Variants in RBM6 observed in about 807,000 individuals in gnomAD.
The protein encoded by RBM6 is RNA-binding protein 6.
Under a neutral mutation model 140.4 loss-of-function variants are expected in RBM6, and 23 were observed. The observed-to-expected ratio is 0.16, with a 90% CI of 0.12 to 0.23. The LOEUF is 0.23. RBM6 is among the 10% of genes least tolerant of loss of function. The pLI is 1.00. For synonymous variants in RBM6, 439 were observed against 475.6 expected (o/e 0.92, Z 1.00); for missense variants, 1,139 against 1,386.7 (o/e 0.82, Z 2.84).
intron 6 of RBM6, among the ~76,000 whole-genome samples, chr3:50,040,531 T>C (rs950113886): frequency 1.4e-5 from 2 of 146,122 alleles, no homozygotes; most frequent in East Asian, 2.0e-4. Context: ...TGTATATATA[T>C]ACACACACAC....
At chr3:49,966,646 A>G (rs994226614) in intron 2 of RBM6, among the ~76,000 whole-genome samples, 5 of 152,220 alleles carry the variant, frequency 3.3e-5, no homozygotes, top group African/African-American at 4.8e-5. Context: ...CATTTGGGTC[A>G]TGGGGATCAT....
chr3:49,962,531 A>C, intron 1 of RBM6, 45 bp from the exon 2 acceptor site: 2 of 902,680 alleles, frequency 2.2e-6, no homozygotes, highest in Non-Finnish European at 3.4e-6. Context: ...TTTAGCTTTT[A>C]GTTCACATTC....
At chr3:49,943,260 A>G (rs1292089728) in intron 1 of RBM6, among the ~76,000 whole-genome samples, 1 of 152,162 alleles carries the variant, frequency 6.6e-6, no homozygotes, top group Non-Finnish European at 1.5e-5. Flanking sequence ...GTATATACCC[A>G]GAAGGGAAAT....
intron 6 of RBM6, among the ~76,000 whole-genome samples, chr3:50,040,480 A>G (rs1422342112): frequency 1.7e-5 from 1 of 58,092 alleles, no homozygotes; most frequent in Non-Finnish European, 4.4e-5. Context: ...AAATATATAT[A>G]TATATATATA....
chr3:49,956,956 GGCCTGGCCT>G (rs2084020786), intron 1 of RBM6, among the ~76,000 whole-genome samples: 1 of 152,238 alleles, frequency 6.6e-6, no homozygotes, highest in South Asian at 2.1e-4. Context: ...TAAGCCACCA[GGCCTGGCCT>G]GCTTTTTTAA....
intron 17 of RBM6, among the ~76,000 whole-genome samples, chr3:50,067,210 A>AG (rs2090152042): frequency 6.6e-6 from 1 of 151,426 alleles, no homozygotes; most frequent in Admixed American, 6.6e-5. Context: ...AAAAAAAAAA[A>AG]AAGCCGCAGC....
At position 49,965,849 on chromosome 3, in the gene RBM6, G is replaced by A. The variant is rs193180049; in HGVS notation, c.45-1621G>A. Among the ~76,000 whole-genome samples the A allele has an allele frequency of 3.9e-5, 6 of 152,212 alleles. No individual in the cohort carries two copies. In the East Asian group the frequency reaches 5.8e-4, roughly 15 times the overall value. On this transcript the variant is annotated intron_variant, in intron 2 of 20. Coordinates refer to ENST00000266022, the MANE Select transcript of RBM6 (RefSeq NM_005777.3). ...CTGTTACTTTAAGAAAGGGTTGGCCGGGCATGGTGGCTCACGCCTGTAACC... is the reference window on the plus strand; with the variant it reads ...CTGTTACTTTAAGAAAGGGTTGGCCAGGCATGGTGGCTCACGCCTGTAACC...
At chr3:49,980,916 T>A (rs1413190014) in intron 5 of RBM6, among the ~76,000 whole-genome samples, 2 of 152,116 alleles carry the variant, frequency 1.3e-5, no homozygotes, top group Admixed American at 6.6e-5. Flanking sequence ...ATTTTTTATT[T>A]TTTTGAGACG....
intron 5 of RBM6, among the ~76,000 whole-genome samples, chr3:49,987,677 C>T (rs946983376): frequency 8.6e-5 from 13 of 151,368 alleles, no homozygotes; most frequent in Non-Finnish European, 1.3e-4. Context: ...CTTACTCTGT[C>T]ACCTGGGCTA....
chr3:50,070,385 G>T, intron 18 of RBM6, 70 bp from the exon 19 acceptor site: 1 of 1,059,372 alleles, frequency 9.4e-7, no homozygotes, highest in South Asian at 1.3e-5. Context: ...AACAGCAATG[G>T]GGTAGAATTT....
intron 6 of RBM6, among the ~76,000 whole-genome samples, chr3:49,999,852 G>C (rs955718901): frequency 6.6e-6 from 1 of 151,872 alleles, no homozygotes; most frequent in Non-Finnish European, 1.5e-5. Flanking sequence ...AATGATCCTT[G>C]ATTGTCTGTG....
intron 19 of RBM6, among the ~76,000 whole-genome samples, chr3:50,074,353 C>T (rs2090396350): frequency 6.7e-6 from 1 of 149,782 alleles, no homozygotes; most frequent in Non-Finnish European, 1.5e-5. Context: ...CAGAGTTTCA[C>T]TCTTGTTGCC....
intron 1 of RBM6, among the ~76,000 whole-genome samples, chr3:49,941,825 C>G (rs553845545): frequency 6.6e-6 from 1 of 151,682 alleles, no homozygotes; most frequent in South Asian, 2.1e-4. Context: ...GCCTTGGCCT[C>G]CCAAAGTGCT....
chr3:50,020,879 A>C (rs934786408), intron 6 of RBM6, among the ~76,000 whole-genome samples: 11 of 152,166 alleles, frequency 7.2e-5, no homozygotes, highest in Non-Finnish European at 1.5e-4. Flanking sequence ...ATGCAAGCCC[A>C]TTGTTGACTG....
intron 4 of RBM6, among the ~76,000 whole-genome samples, chr3:49,973,721 G>A (rs1365209518): frequency 1.3e-5 from 2 of 151,308 alleles, no homozygotes; most frequent in African/African-American, 4.9e-5. Context: ...AAGTAGCTGG[G>A]ATTACAAGCA....
chr3:49,994,669 G>GGGGTGTGT (rs148704782), intron 5 of RBM6, among the ~76,000 whole-genome samples: 17 of 148,262 alleles, frequency 1.1e-4, no homozygotes, highest in South Asian at 4.3e-4. Flanking sequence ...AAGGCTGTGG[G>GGGGTGTGT]GTGTGTGTGT....
intron 6 of RBM6, among the ~76,000 whole-genome samples, chr3:50,007,828 C>T (rs2086659227): frequency 1.3e-5 from 2 of 152,290 alleles, no homozygotes; most frequent in African/African-American, 2.4e-5. Context: ...CCACCTCTCC[C>T]GGCCATAAGA....
At chr3:50,046,271 ACT>A (rs1262539274) in intron 6 of RBM6, among the ~76,000 whole-genome samples, 1 of 124,562 alleles carries the variant, frequency 8.0e-6, no homozygotes, top group Non-Finnish European at 1.6e-5. Flanking sequence ...ACAGAGCAAG[ACT>A]CTGTCTCAAA....
chr3:50,075,190 T>C lies in RBM6; in HGVS notation c.3117-11T>C, dbSNP rs1193907191. On this transcript the variant is annotated splice_polypyrimidine_tract_variant and intron_variant, in intron 19 of 20. Coordinates refer to ENST00000266022, the MANE Select transcript of RBM6 (RefSeq NM_005777.3). The stretch of plus-strand genomic sequence containing the variant: ...AAAAAAAGGAAGTGATGGTGTCTGC[T>C]TCTTTTGCAGTGATCGTAAACTTGT... The C allele has an allele frequency of 6.2e-7, 1 of 1,606,230 alleles. No individual in the cohort carries two copies.
Sources: allele counts gnomAD v4.1 joint callset (sites outside exome capture counted in the v4.1 genomes callset), GRCh38; gene constraint gnomAD v4.1.1; transcripts MANE v1.5; gene names NCBI Gene and HGNC (gene_info 2026-07-23, HGNC 2026-07-21).